Variants in PRSS38 observed in about 807,000 individuals in gnomAD.
The protein encoded by PRSS38 is serine protease 38.
In PRSS38, 22 loss-of-function variants were observed where a neutral mutation model predicts 26.8. The ratio of observed to expected loss-of-function variants is 0.82; its 90% CI spans 0.59 to 1.17. The LOEUF (loss-of-function observed/expected upper bound fraction) is 1.17, where lower values mean the gene tolerates loss of function less well. PRSS38 is among the 50% of genes most tolerant of loss of function. The pLI is 0.00. For synonymous variants in PRSS38, 175 were observed against 172.1 expected (o/e 1.02, Z -0.13); for missense variants, 427 against 422.7 (o/e 1.01, Z -0.09).
exon 5 of PRSS38, chr1:227,846,365 T>G: frequency 1.0e-6 from 1 of 960,524 alleles, no homozygotes; most frequent in South Asian, 1.7e-5. Context: ...GATGAGCAAG[T>G]GTACAAAAGA....
chr1:227,843,745 C>T (rs1032830315), intron 3 of PRSS38, among the ~76,000 whole-genome samples: 2 of 151,498 alleles, frequency 1.3e-5, no homozygotes, highest in African/African-American at 4.9e-5. Flanking sequence ...ACCAACCAAG[C>T]ACAGTGGCTC....
chr1:227,818,772 A>G (rs753876602), intron 3 of PRSS38, among the ~76,000 whole-genome samples: 1 of 150,304 alleles, frequency 6.7e-6, no homozygotes, highest in Non-Finnish European at 1.5e-5. Flanking sequence ...TGTACTGCTG[A>G]CTTTGTAGAA....
At chr1:227,836,125 G>T (rs962249981) in intron 3 of PRSS38, among the ~76,000 whole-genome samples, 1 of 151,546 alleles carries the variant, frequency 6.6e-6, no homozygotes, top group African/African-American at 2.4e-5. Flanking sequence ...TCGAGACAAG[G>T]TCTTGCTCTG....
chr1:227,825,665 G>T lies in PRSS38; in HGVS notation c.583+8185G>T, dbSNP rs551777551. ...TTTTCCCATTGCTTGTTTTTGCCGGGTTTGTTGAAGATCAGATGATTGTAG... is the reference window on the plus strand; with the variant it reads ...TTTTCCCATTGCTTGTTTTTGCCGGTTTTGTTGAAGATCAGATGATTGTAG... On this transcript the variant is annotated intron_variant, in intron 3 of 4. Coordinates refer to ENST00000366757, the Ensembl canonical transcript of PRSS38. Among the ~76,000 whole-genome samples, 3 of 152,122 alleles carry T rather than the reference G, an allele frequency of 2.0e-5. No individual in the cohort carries two copies. In the South Asian group the frequency reaches 6.2e-4, roughly 32 times the overall value.
At chr1:227,815,934 C>A (rs1664905160) in intron 1 of PRSS38, 70 bp downstream of exon 1, 1 of 1,532,324 alleles carries the variant, frequency 6.5e-7, no homozygotes, top group African/African-American at 1.4e-5. Flanking sequence ...GGTGCTGGGC[C>A]TCCTCCCCCA....
chr1:227,815,933 C>T lies in PRSS38; in HGVS notation c.148+69C>T, dbSNP rs112760925. 2.1e-3 allele frequency: 3,237 copies of T among 1,531,162 alleles called. 53 individuals are homozygous for T. The African/African-American group carries it at 0.036, about 17-fold the overall frequency. The allele number at this position is 1,531,162 out of a possible 1,614,324, so 94.8% of individuals were successfully genotyped here. On this transcript the variant is annotated intron_variant, in intron 1 of 4. Transcript: ENST00000366757. Reference sequence around the variant, plus strand: ...CCTTGGGGCGTCTGTCGGTGCTGGGCCTCCTCCCCCATGTCGCCTGCCCAT... The same window carrying T: ...CCTTGGGGCGTCTGTCGGTGCTGGGTCTCCTCCCCCATGTCGCCTGCCCAT...
chr1:227,832,216 C>CAT (rs1388406310), intron 3 of PRSS38, among the ~76,000 whole-genome samples: 2 of 152,096 alleles, frequency 1.3e-5, no homozygotes, highest in African/African-American at 2.4e-5. Flanking sequence ...TGGTAGAAAG[C>CAT]ATATAGTTGG....
chr1:227,844,085 C>T lies in PRSS38; in HGVS notation c.584-1385C>T, dbSNP rs565920598. On this transcript the variant is annotated intron_variant, in intron 3 of 4. Transcript: ENST00000366757. The stretch of plus-strand genomic sequence containing the variant: ...TGTCCTGATTTGACTCTTCATGGAA[C>T]ACTCTTTTACTCTGTCTGACATCTT... Among the ~76,000 whole-genome samples the T allele has an allele frequency of 1.2e-4, 19 of 152,324 alleles. No homozygotes were observed. In the South Asian group the frequency reaches 3.9e-3, roughly 32 times the overall value.
In PRSS38 at chr1:227,829,512, C is replaced by T. The variant is rs148958807; in HGVS notation, c.583+12032C>T. ...ATTCCCACTAGCTCTTGCTCATGGG[C>T]CTTAGGCAGTATATTGTATATACTT... is the stretch of plus-strand genomic sequence containing the variant. On this transcript the variant is annotated intron_variant, in intron 3 of 4. Coordinates refer to ENST00000366757, the Ensembl canonical transcript of PRSS38. Among the ~76,000 whole-genome samples, 664 of 152,140 alleles carry T rather than the reference C, an allele frequency of 4.4e-3. 6 individuals carry two copies. Among genetic ancestry groups the T allele is most frequent in the African/African-American group, 0.015 (634 of 41,492 alleles).
intron 3 of PRSS38, among the ~76,000 whole-genome samples, chr1:227,822,598 CTG>C (rs1665018309): frequency 6.6e-6 from 1 of 152,186 alleles, no homozygotes; most frequent in African/African-American, 2.4e-5. Context: ...TTTGCAAAGA[CTG>C]TATCCTTTCT....
intron 3 of PRSS38, among the ~76,000 whole-genome samples, chr1:227,835,075 T>C (rs1172775268): frequency 6.6e-6 from 1 of 152,166 alleles, no homozygotes; most frequent in East Asian, 1.9e-4. Flanking sequence ...CACAAGCACA[T>C]GCAAGGATGC....
At chr1:227,845,001 A>T (rs1378057000) in intron 3 of PRSS38, among the ~76,000 whole-genome samples, 1 of 118,518 alleles carries the variant, frequency 8.4e-6, no homozygotes, top group African/African-American at 3.4e-5. Flanking sequence ...GCTCCTCCCT[A>T]TGTGTGGTGG....
rs535852502 is a variant in PRSS38, at chr1:227,824,031, T to C, written c.583+6551T>C. Among the ~76,000 whole-genome samples the C allele has an allele frequency of 5.9e-5, 9 of 152,338 alleles. No homozygotes were observed. The South Asian group carries it at 1.9e-3, about 32-fold the overall frequency. On this transcript the variant is annotated intron_variant, in intron 3 of 4. Coordinates refer to ENST00000366757, the Ensembl canonical transcript of PRSS38. ...TTTAGTTCTTTGAGAGATCTCTATA[T>C]AGTTTTCAATAGAGGTTGTACTAAT...
intron 3 of PRSS38, among the ~76,000 whole-genome samples, chr1:227,843,222 A>T (rs966100847): frequency 6.6e-6 from 1 of 152,194 alleles, no homozygotes; most frequent in Admixed American, 6.5e-5. Context: ...TTGGTTTACG[A>T]TGCTCCAGTC....
chr1:227,839,949 A>G (rs1028723370), intron 3 of PRSS38, among the ~76,000 whole-genome samples: 1 of 152,060 alleles, frequency 6.6e-6, no homozygotes, highest in African/African-American at 2.4e-5. Flanking sequence ...CCTCGGCTTT[A>G]TCTTGAGAAT....
chr1:227,841,515 C>G (rs953821121), intron 3 of PRSS38, among the ~76,000 whole-genome samples: 1 of 152,248 alleles, frequency 6.6e-6, no homozygotes, highest in Admixed American at 6.5e-5. Flanking sequence ...TACTACTCAG[C>G]AGTACAAACA....
intron 3 of PRSS38, among the ~76,000 whole-genome samples, chr1:227,833,337 G>C (rs1277410559): frequency 6.6e-6 from 1 of 152,168 alleles, no homozygotes; most frequent in African/African-American, 2.4e-5. Context: ...AAACCAGCCT[G>C]GCCAACATGG....
At chr1:227,841,785 C>T (rs796940690) in intron 3 of PRSS38, among the ~76,000 whole-genome samples, 37 of 152,328 alleles carry the variant, frequency 2.4e-4, no homozygotes, top group African/African-American at 8.7e-4. Flanking sequence ...TGTGCATCCT[C>T]CTCCTCTCTG....
At chr1:227,817,761 G>A (rs1473077940) in intron 3 of PRSS38, among the ~76,000 whole-genome samples, 1 of 152,110 alleles carries the variant, frequency 6.6e-6, no homozygotes, top group East Asian at 1.9e-4. Flanking sequence ...GATTGTAAAC[G>A]GAATTTAGAA....
Sources: gnomAD v4.1 joint callset for allele counts (sites outside exome capture counted in the v4.1 genomes callset) on GRCh38, gnomAD v4.1.1 for gene constraint, MANE v1.5 for transcripts, NCBI Gene and HGNC (gene_info 2026-07-23, HGNC 2026-07-21) for gene names.